MACROD2: variants seen among roughly 807,000 people sequenced by gnomAD.
MACROD2 encodes mono-ADP ribosylhydrolase 2.
MACROD2 carries 36 observed loss-of-function variants against 70.4 expected under a neutral mutation model. The ratio of observed to expected loss-of-function variants is 0.51; its 90% CI spans 0.39 to 0.68. The LOEUF (loss-of-function observed/expected upper bound fraction) is 0.68. Ranked by LOEUF, MACROD2 falls within the 30% of genes least tolerant of loss-of-function variation. The probability of loss-of-function intolerance (pLI) is 0.00; values close to 1 mark genes in which losing one functional copy is unlikely to be tolerated. For synonymous variants in MACROD2, 172 were observed against 178.8 expected (o/e 0.96, Z 0.30); for missense variants, 496 against 538.4 (o/e 0.92, Z 0.78).
intron 8 of MACROD2, among the ~76,000 whole-genome samples, chr20:15,746,765 T>A (rs964085780): frequency 6.6e-6 from 1 of 152,088 alleles, no homozygotes; most frequent in African/African-American, 2.4e-5. Context: ...GGTTGTGTTT[T>A]TTTCTCCTAA....
intron 5 of MACROD2, among the ~76,000 whole-genome samples, chr20:14,869,494 T>C (rs2073464317): frequency 6.6e-6 from 1 of 152,186 alleles, no homozygotes; most frequent in African/African-American, 2.4e-5. Flanking sequence ...CCTGCAGTGC[T>C]GTGAAAGGTG....
chr20:15,498,522 T>C (rs1008674178), intron 7 of MACROD2, among the ~76,000 whole-genome samples: 5 of 152,136 alleles, frequency 3.3e-5, no homozygotes, highest in Admixed American at 6.5e-5. Context: ...ACACATTTAA[T>C]GAATGCCGCT....
intron 12 of MACROD2, among the ~76,000 whole-genome samples, chr20:15,946,500 A>G (rs2065824681): frequency 6.6e-6 from 1 of 152,160 alleles, no homozygotes; most frequent in Non-Finnish European, 1.5e-5. Context: ...CACCCCATAG[A>G]GTAGTAACTA....
intron 8 of MACROD2, among the ~76,000 whole-genome samples, chr20:15,518,753 C>G (rs1196611979): frequency 6.6e-6 from 1 of 152,266 alleles, no homozygotes; most frequent in African/African-American, 2.4e-5. Flanking sequence ...AATCCCAACA[C>G]TTTGTGAGGC....
intron 5 of MACROD2, among the ~76,000 whole-genome samples, chr20:15,202,035 T>C (rs1315031858): frequency 6.6e-6 from 1 of 152,200 alleles, no homozygotes; most frequent in East Asian, 1.9e-4. Flanking sequence ...ATAAGGGAAC[T>C]GATACCTGAA....
At chr20:15,061,181 C>T (rs982285454) in intron 5 of MACROD2, among the ~76,000 whole-genome samples, 2 of 152,152 alleles carry the variant, frequency 1.3e-5, no homozygotes, top group African/African-American at 4.8e-5. Flanking sequence ...ACTTTGAAGA[C>T]AACCCTCATT....
At chr20:14,150,731 GT>G (rs2055007931) in intron 3 of MACROD2, among the ~76,000 whole-genome samples, 1 of 152,048 alleles carries the variant, frequency 6.6e-6, no homozygotes. Flanking sequence ...AGATAAAAAG[GT>G]AGTAGTTTTT....
At chr20:15,369,302 A>T (rs184132088) in intron 6 of MACROD2, among the ~76,000 whole-genome samples, 157 of 152,282 alleles carry the variant, frequency 1.0e-3, no homozygotes, top group African/African-American at 3.7e-3. Flanking sequence ...TTGCTAGTTG[A>T]ATTTATTGCC....
intron 3 of MACROD2, among the ~76,000 whole-genome samples, chr20:14,092,497 TG>T (rs1353836348): frequency 5.3e-5 from 8 of 152,194 alleles, no homozygotes; most frequent in African/African-American, 1.7e-4. Context: ...TATAATGGCA[TG>T]TTTTGTAGAT....
intron 3 of MACROD2, among the ~76,000 whole-genome samples, chr20:14,193,954 G>C (rs2081409506): frequency 6.6e-6 from 1 of 152,136 alleles, no homozygotes; most frequent in Non-Finnish European, 1.5e-5. Context: ...TGAAAATTTA[G>C]GGGACAGAAT....
chr20:14,805,325 G>T (rs527571074), intron 5 of MACROD2, among the ~76,000 whole-genome samples: 1 of 151,994 alleles, frequency 6.6e-6, no homozygotes, highest in Non-Finnish European at 1.5e-5. Context: ...TACATTTAGA[G>T]AAATTTTTCC....
intron 5 of MACROD2, among the ~76,000 whole-genome samples, chr20:14,775,422 A>T (rs1283796164): frequency 6.6e-6 from 1 of 152,048 alleles, no homozygotes; most frequent in Non-Finnish European, 1.5e-5. Context: ...ATCATGGCAG[A>T]TGGGGAAGGA....
chr20:15,088,677 T>C (rs1407253736), intron 5 of MACROD2, among the ~76,000 whole-genome samples: 1 of 151,584 alleles, frequency 6.6e-6, no homozygotes, highest in Non-Finnish European at 1.5e-5. Context: ...GGATGATGAA[T>C]TTTTTGATTA....
intron 5 of MACROD2, among the ~76,000 whole-genome samples, chr20:14,977,297 A>ATTT (rs777982225): frequency 7.7e-6 from 1 of 130,020 alleles, no homozygotes; most frequent in Admixed American, 7.7e-5. Context: ...TAACACCTTG[A>ATTT]TTTTTTTTTT....
chr20:15,238,696 T>G (rs1262506349), intron 6 of MACROD2, among the ~76,000 whole-genome samples: 1 of 152,186 alleles, frequency 6.6e-6, no homozygotes, highest in African/African-American at 2.4e-5. Flanking sequence ...AAAGAATTAT[T>G]TTTAGTCACT....
chr20:14,724,843 A>G (rs554060098), intron 5 of MACROD2, among the ~76,000 whole-genome samples: 171 of 152,260 alleles, frequency 1.1e-3, no homozygotes, highest in Non-Finnish European at 1.9e-3. Flanking sequence ...GAGCCACTGG[A>G]AGGTTGTGAG....
intron 5 of MACROD2, among the ~76,000 whole-genome samples, chr20:15,166,855 TTA>T (rs2076387997): frequency 6.6e-6 from 1 of 151,266 alleles, no homozygotes; most frequent in African/African-American, 2.4e-5. Flanking sequence ...AATACTTAAA[TTA>T]TTAAATTTAA....
chr20:14,995,856 A>T (rs1407149971), intron 5 of MACROD2, among the ~76,000 whole-genome samples: 1 of 152,166 alleles, frequency 6.6e-6, no homozygotes, highest in African/African-American at 2.4e-5. Context: ...CCTTAAATGC[A>T]TGTATAAGAA....
chr20:14,862,606 AATATATATAAATATATATATATAAAT>A (rs1340073562), intron 5 of MACROD2, among the ~76,000 whole-genome samples: 4,116 of 26,748 alleles, frequency 0.15, 923 homozygotes, highest in Non-Finnish European at 0.23. Flanking sequence ...TATAAATATA[AATATATATAAATATATATATATAAAT>A]ATATATATAA....
Sources: allele counts gnomAD v4.1 joint callset (sites outside exome capture counted in the v4.1 genomes callset), GRCh38; gene constraint gnomAD v4.1.1; transcripts MANE v1.5; gene names NCBI Gene and HGNC (gene_info 2026-07-23, HGNC 2026-07-21).